TRIO: variants seen among roughly 807,000 people sequenced by gnomAD.
TRIO encodes the protein trio Rho guanine nucleotide exchange factor, also known as triple functional domain protein.
In TRIO, 58 loss-of-function variants were observed where a neutral mutation model predicts 351.9. The ratio of observed to expected loss-of-function variants is 0.16; its 90% CI spans 0.13 to 0.21. TRIO has a LOEUF of 0.21. Among genes scored for constraint, TRIO ranks in the 10% least tolerant of loss-of-function variants. The pLI, the probability that TRIO is intolerant of heterozygous loss-of-function variation, is 1.00. For missense variants in TRIO, 3,201 were observed against 4,027.8 expected (o/e 0.79, Z 5.56); for synonymous variants, 1,758 against 1,595.7 (o/e 1.10, Z -2.42).
chr5:14,403,862 C>T (rs1488227972), intron 31 of TRIO, among the ~76,000 whole-genome samples: 5 of 24,288 alleles, frequency 2.1e-4, no homozygotes, highest in Non-Finnish European at 3.0e-4. Context: ...GGTGAGGGTG[C>T]AGGTGGTGGT....
intron 20 of TRIO, among the ~76,000 whole-genome samples, chr5:14,380,163 A>G (rs1313703418): frequency 6.6e-6 from 1 of 152,198 alleles, no homozygotes; most frequent in Non-Finnish European, 1.5e-5. Flanking sequence ...TGACTTTATG[A>G]GAAGCAGAAC....
At chr5:14,308,436 C>T (rs1232946514) in intron 8 of TRIO, among the ~76,000 whole-genome samples, 4 of 144,304 alleles carry the variant, frequency 2.8e-5, no homozygotes, top group Non-Finnish European at 6.0e-5. Flanking sequence ...AACCATCCAT[C>T]CCTCTATTTA....
At chr5:14,487,374 CCCAT>C in intron 47 of TRIO, 86 bp from the exon 48 acceptor site, 1 of 1,067,908 alleles carries the variant, frequency 9.4e-7, no homozygotes, top group African/African-American at 1.7e-5. Context: ...TGCCCCATGA[CCCAT>C]CCCAGGGTGG....
In TRIO at chr5:14,497,469, G is replaced by C. The variant is rs1026576984; in HGVS notation, c.8020-378G>C. ...TCAGTCAGCTTTAGTCCTATAATCG[G>C]ATTGCCTGACACCTGCGGTGGGGGT... On this transcript the variant is annotated intron_variant, in intron 50 of 56. Transcript: ENST00000344204. The surrounding 1 kb of genome is among the most constrained non-coding windows in gnomAD (Gnocchi z 4.4). Among the ~76,000 whole-genome samples the C allele has an allele frequency of 1.3e-5, 2 of 152,160 alleles. No individual in the cohort carries two copies. Among genetic ancestry groups the C allele is most frequent in the African/African-American group, 4.8e-5 (2 of 41,444 alleles).
rs1256980174 is a variant in TRIO, at chr5:14,487,967, G to C, written c.7339G>C (p.Gly2447Arg). The C allele has an allele frequency of 2.6e-6, 4 of 1,551,896 alleles. No individual in the cohort carries two copies. Among genetic ancestry groups the C allele is most frequent in the Middle Eastern group, 1.9e-4 (1 of 5,300 alleles). ...ARASLGTLPL[G>R]KPRAGAASPL... Reference sequence around the variant, plus strand: ...CGCTAGCCTGGGCACCCTGCCGCTTGGGAAGCCCCGGGCCGGGGCCGCTTC... The same window carrying C: ...CGCTAGCCTGGGCACCCTGCCGCTTCGGAAGCCCCGGGCCGGGGCCGCTTC... Residue 2447 changes from glycine to arginine, a missense_variant, in exon 48 of 57, where the codon GGG becomes CGG. By Grantham distance (125) the Gly-to-Arg change is moderately radical (BLOSUM62 -2). This residue lies in a region of TRIO where 1,089 missense variants were observed against 954.9 expected (regional missense o/e 1.14). Transcript: ENST00000344204.
chr5:14,176,976 C>A (rs1276419187), intron 1 of TRIO, among the ~76,000 whole-genome samples: 1 of 152,182 alleles, frequency 6.6e-6, no homozygotes, highest in East Asian at 1.9e-4. Flanking sequence ...AAACACTTGA[C>A]CATTACATTT....
At chr5:14,468,793 G>T (rs1754466007) in intron 37 of TRIO, among the ~76,000 whole-genome samples, 1 of 152,174 alleles carries the variant, frequency 6.6e-6, no homozygotes, top group Non-Finnish European at 1.5e-5. Context: ...GTGTTTATTG[G>T]GTTAGGGAGG....
intron 2 of TRIO, among the ~76,000 whole-genome samples, chr5:14,273,251 A>G (rs1430252520): frequency 6.6e-6 from 1 of 152,274 alleles, no homozygotes; most frequent in Non-Finnish European, 1.5e-5. Flanking sequence ...AAAGTAGGCC[A>G]AAAGATGAGT....
rs551918217 is a variant in TRIO, at chr5:14,487,912, G to A, written c.7284G>A (p.Ser2428=). ...PRKGAANASG[S]SPDAPAKDAR... ...AAGGCGCCGCGAACGCCTCGGGGTC[G>A]AGCCCAGACGCCCCCGCCAAGGACG... Residue 2428 remains serine (S), a synonymous_variant, in exon 48 of 57, where the codon TCG becomes TCA. Transcript: ENST00000344204. The A allele has an allele frequency of 7.3e-5, 113 of 1,538,914 alleles. No individual in the cohort carries two copies. In the African/African-American group the frequency reaches 7.7e-4, roughly 11 times the overall value.
At chr5:14,377,922 C>T in intron 19 of TRIO, 90 bp from the exon 20 acceptor site, 2 of 975,034 alleles carry the variant, frequency 2.1e-6, no homozygotes, top group South Asian at 1.4e-5. Context: ...ATGGCATTTG[C>T]ATAAAAGTCT....
intron 1 of TRIO, among the ~76,000 whole-genome samples, chr5:14,255,594 G>C (rs1451772545): frequency 1.3e-5 from 2 of 152,194 alleles, no homozygotes; most frequent in Non-Finnish European, 2.9e-5. Flanking sequence ...TTGGATTTCA[G>C]ATATTTTTGG....
intron 19 of TRIO, among the ~76,000 whole-genome samples, chr5:14,376,875 T>A (rs371876480): frequency 5.9e-5 from 9 of 152,226 alleles, no homozygotes; most frequent in African/African-American, 2.2e-4. Context: ...GTTCCCTTAC[T>A]CTTTCCAACA....
intron 2 of TRIO, among the ~76,000 whole-genome samples, chr5:14,277,393 A>G (rs1237116574): frequency 3.3e-5 from 5 of 152,250 alleles, no homozygotes; most frequent in African/African-American, 9.6e-5. Context: ...CAGATAATCA[A>G]TGAGCTGTTG....
intron 1 of TRIO, among the ~76,000 whole-genome samples, chr5:14,219,071 C>T (rs965673494): frequency 2.0e-5 from 3 of 152,090 alleles, no homozygotes; most frequent in African/African-American, 7.2e-5. Flanking sequence ...AGAACTATGA[C>T]AAGGCTAGTG....
intron 1 of TRIO, among the ~76,000 whole-genome samples, chr5:14,238,473 A>C (rs1045127626): frequency 3.7e-4 from 57 of 152,308 alleles, no homozygotes; most frequent in African/African-American, 1.3e-3. Flanking sequence ...CCACCAGCCC[A>C]TGTGGGCCCT....
chr5:14,264,640 A>G (rs901412666), intron 1 of TRIO, among the ~76,000 whole-genome samples: 1 of 151,868 alleles, frequency 6.6e-6, no homozygotes, highest in Non-Finnish European at 1.5e-5. Flanking sequence ...TCATTAGGGG[A>G]TCTAGGCTTG....
intron 8 of TRIO, among the ~76,000 whole-genome samples, chr5:14,316,004 A>T (rs1581601285): frequency 6.6e-6 from 1 of 152,254 alleles, no homozygotes; most frequent in Admixed American, 6.5e-5. Context: ...TTAAGTACAT[A>T]TTCTATGCCT....
At chr5:14,217,858 T>G (rs536525408) in intron 1 of TRIO, among the ~76,000 whole-genome samples, 1 of 152,270 alleles carries the variant, frequency 6.6e-6, no homozygotes, top group Admixed American at 6.5e-5. Flanking sequence ...TGCATAAGGT[T>G]ATAGGAAAGT....
intron 1 of TRIO, among the ~76,000 whole-genome samples, chr5:14,266,322 C>G (rs751748294): frequency 3.3e-5 from 5 of 152,082 alleles, no homozygotes; most frequent in Admixed American, 1.3e-4. Flanking sequence ...TCGGCCTCCC[C>G]CTTCATCCAT....
Sources: allele counts gnomAD v4.1 joint callset (sites outside exome capture counted in the v4.1 genomes callset), GRCh38; gene constraint gnomAD v4.1.1; regional missense constraint gnomAD v4.1.1; non-coding constraint Gnocchi (gnomAD v3.1); transcripts MANE v1.5; gene names NCBI Gene and HGNC (gene_info 2026-07-23, HGNC 2026-07-21).